The following AHCTF1 variants were observed in gnomAD, a reference collection of about 807,000 sequenced individuals.
AHCTF1 encodes protein ELYS.
Under a neutral mutation model 248.4 loss-of-function variants are expected in AHCTF1, and 24 were observed. The ratio of observed to expected loss-of-function variants is 0.10; its 90% CI spans 0.07 to 0.14. AHCTF1 has a LOEUF of 0.14. Among genes scored for constraint, AHCTF1 ranks in the 10% least tolerant of loss-of-function variants. AHCTF1 has a pLI of 1.00. For synonymous variants in AHCTF1, 786 were observed against 929.8 expected, an observed-to-expected ratio of 0.85 and a Z score of 2.81; for missense variants, 2,206 against 2,636.2, an observed-to-expected ratio of 0.84 and a Z score of 3.57.
chr1:246,931,039 T>C, intron 1 of AHCTF1: 2 of 1,470,532 alleles, frequency 1.4e-6, no homozygotes, highest in South Asian at 2.7e-5. Context: ...TGTGCTTTTA[T>C]TTTAAATCTC....
chr1:246,857,599 G>A, intron 30 of AHCTF1, 92 bp downstream of exon 30: 1 of 1,345,120 alleles, frequency 7.4e-7, no homozygotes, highest in Non-Finnish European at 1.0e-6. Context: ...AGATCTAAGT[G>A]AAATCTAACA....
At chr1:246,905,482 G>A (rs1665320324) in intron 6 of AHCTF1, 59 bp downstream of exon 6, 1 of 1,383,732 alleles carries the variant, frequency 7.2e-7, no homozygotes, top group Non-Finnish European at 1.0e-6. Flanking sequence ...GGACAACAGA[G>A]CGAGACTCTG....
At chr1:246,843,175 T>C (rs1474992724) in intron 34 of AHCTF1, among the ~76,000 whole-genome samples, 2 of 152,228 alleles carry the variant, frequency 1.3e-5, no homozygotes, top group Admixed American at 1.3e-4. Flanking sequence ...TGAACACTCC[T>C]CATCTGCCTG....
At chr1:246,921,881 C>T (rs1666571946) in intron 1 of AHCTF1, among the ~76,000 whole-genome samples, 1 of 152,112 alleles carries the variant, frequency 6.6e-6, no homozygotes, top group Non-Finnish European at 1.5e-5. Flanking sequence ...GATAGAAGGT[C>T]TGAGAGGCAG....
chr1:246,869,610 T>C (rs1662417087), intron 24 of AHCTF1, among the ~76,000 whole-genome samples: 1 of 152,094 alleles, frequency 6.6e-6, no homozygotes, highest in African/African-American at 2.4e-5. Context: ...ATGGGAAATC[T>C]ACTATGCCTG....
In AHCTF1 at chr1:246,849,835, T is replaced by C; in HGVS notation, c.6171A>G (p.Gln2057=). ...CTGATACTGAGTGCAATGAACGTTT[T>C]TGGCTTTGACTTTCAGTCTTTTTTG... ...KLTKKTESQS[Q]KRSLHSVSEE... is the part of the protein sequence containing the mutation. The change falls in exon 33 of 36, where the codon CAA becomes CAG. Residue 2057 remains glutamine, a synonymous_variant. Transcript: ENST00000648844. The C allele has an allele frequency of 1.2e-6, 2 of 1,614,002 alleles. No homozygotes were observed. The highest frequency in any genetic ancestry group is 1.7e-6 in the Non-Finnish European group (2 of 1,179,856).
intron 14 of AHCTF1, among the ~76,000 whole-genome samples, chr1:246,894,128 C>T (rs1664402889): frequency 6.6e-6 from 1 of 151,726 alleles, no homozygotes; most frequent in South Asian, 2.1e-4. Flanking sequence ...GACTTGGGCT[C>T]AAAAAGTCAA....
intron 26 of AHCTF1, among the ~76,000 whole-genome samples, chr1:246,866,710 A>G (rs929400731): frequency 1.4e-4 from 22 of 152,048 alleles, no homozygotes; most frequent in African/African-American, 5.1e-4. Flanking sequence ...GAAGAGACAT[A>G]CTCTGTTCTC....
intron 1 of AHCTF1, among the ~76,000 whole-genome samples, chr1:246,929,804 A>T (rs1396158927): frequency 6.6e-6 from 1 of 152,256 alleles, no homozygotes; most frequent in East Asian, 1.9e-4. Context: ...CTGTAATCCC[A>T]GCACTCTGGG....
At chr1:246,889,390 A>G (rs895959099) in intron 17 of AHCTF1, among the ~76,000 whole-genome samples, 2 of 152,290 alleles carry the variant, frequency 1.3e-5, no homozygotes, top group Admixed American at 6.5e-5. Context: ...TATTTTATTT[A>G]GCTTTATACT....
chr1:246,884,396 G>C (rs889901801), intron 21 of AHCTF1, among the ~76,000 whole-genome samples: 4 of 152,150 alleles, frequency 2.6e-5, no homozygotes, highest in African/African-American at 9.6e-5. Context: ...TTTAACCAAA[G>C]AGAACCAAGA....
At position 246,867,242 on chromosome 1, in the gene AHCTF1, A is replaced by G; in HGVS notation, c.3347+2T>C. 6.4e-7 allele frequency: 1 copy of G among 1,563,620 alleles called. No homozygotes were observed. Among genetic ancestry groups the G allele is most frequent in the East Asian group, 2.3e-5 (1 of 44,182 alleles). On this transcript the variant is annotated splice_donor_variant, in intron 26 of 35. Transcript: ENST00000648844. LOFTEE classifies it high-confidence loss of function. Reference sequence around the variant, plus strand: ...TCTAAGAATGATTTAATAAACTCTTACCTAGAAATTTTTTGTGATGCTTTT... The same window carrying G: ...TCTAAGAATGATTTAATAAACTCTTGCCTAGAAATTTTTTGTGATGCTTTT...
At chr1:246,931,000 A>T (rs78510255) in intron 1 of AHCTF1, 3 of 1,285,134 alleles carry the variant, frequency 2.3e-6, no homozygotes, top group Non-Finnish European at 2.1e-6. Flanking sequence ...TTTCCCAGGT[A>T]GGAAAAAGGA....
Position 246,851,331 on chromosome 1 carries a change from T to G in AHCTF1, c.4675A>C (p.Thr1559Pro). 6.2e-7 allele frequency: 1 copy of G among 1,614,162 alleles called. No homozygotes were observed. The highest frequency in any genetic ancestry group is 1.1e-5 in the South Asian group (1 of 91,086). ...GTLKLQYNFD[T>P]IDQQFCDLAD... is the part of the protein sequence containing the mutation. ...AAGTCACAAAACTGTTGGTCAATAG[T>G]ATCAAAATTGTACTGAAGCTTAAGT... The change falls in exon 33 of 36, where the codon ACT becomes CCT. Residue 1559 changes from threonine to proline, a missense_variant. Transcript: ENST00000648844.
intron 14 of AHCTF1, among the ~76,000 whole-genome samples, chr1:246,894,385 A>G (rs1664419119): frequency 6.6e-6 from 1 of 152,180 alleles, no homozygotes; most frequent in East Asian, 1.9e-4. Context: ...ATCCTGGCTA[A>G]CACGGTGAAA....
At chr1:246,849,200 G>GTATC (rs766279406) in intron 33 of AHCTF1, among the ~76,000 whole-genome samples, 27 of 152,272 alleles carry the variant, frequency 1.8e-4, no homozygotes, top group Non-Finnish European at 2.9e-4. Flanking sequence ...AATAATTTCT[G>GTATC]TATCTTAGTA....
intron 3 of AHCTF1, among the ~76,000 whole-genome samples, chr1:246,915,104 G>C (rs1666051287): frequency 6.6e-6 from 1 of 152,218 alleles, no homozygotes; most frequent in Non-Finnish European, 1.5e-5. Context: ...GGCTAAGGCA[G>C]GTGGATCACG....
At chr1:246,880,529 A>C (rs1247819261) in intron 21 of AHCTF1, among the ~76,000 whole-genome samples, 1 of 146,144 alleles carries the variant, frequency 6.8e-6, no homozygotes, top group African/African-American at 2.6e-5. Flanking sequence ...GCGCCACTGC[A>C]CTCCATCCAG....
At chr1:246,924,774 C>T (rs560264469) in intron 1 of AHCTF1, among the ~76,000 whole-genome samples, 1 of 152,114 alleles carries the variant, frequency 6.6e-6, no homozygotes, top group East Asian at 1.9e-4. Flanking sequence ...AGTCACAAAA[C>T]CTAAAAAGTT....
Sources: gnomAD v4.1 joint callset for allele counts (sites outside exome capture counted in the v4.1 genomes callset) on GRCh38, gnomAD v4.1.1 for gene constraint, MANE v1.5 for transcripts, NCBI Gene and HGNC (gene_info 2026-07-23, HGNC 2026-07-21) for gene names.